ITPR1: variants seen among roughly 807,000 people sequenced by gnomAD.
The protein encoded by ITPR1 is inositol 1,4,5-trisphosphate receptor type 1.
In ITPR1, 96 loss-of-function variants were observed where a neutral mutation model predicts 318.4. That is an observed-to-expected ratio of 0.30 (90% CI 0.26 to 0.36). The LOEUF (loss-of-function observed/expected upper bound fraction) is 0.36. Ranked by LOEUF, ITPR1 falls within the 10% of genes least tolerant of loss-of-function variation. The pLI is 1.00. For synonymous variants in ITPR1, 1,312 were observed against 1,289.9 expected (o/e 1.02, Z -0.37); for missense variants, 2,440 against 3,460.2 (o/e 0.71, Z 7.40).
intron 4 of ITPR1, among the ~76,000 whole-genome samples, chr3:4,539,689 G>A (rs1463995354): frequency 1.3e-5 from 2 of 152,148 alleles, no homozygotes; most frequent in Non-Finnish European, 2.9e-5. Context: ...TGGACTAATG[G>A]ATTTAATGGG....
At chr3:4,496,846 C>T (rs923601447) in intron 2 of ITPR1, among the ~76,000 whole-genome samples, 1 of 151,964 alleles carries the variant, frequency 6.6e-6, no homozygotes, top group Non-Finnish European at 1.5e-5. Flanking sequence ...AGAAAACAAA[C>T]AAAAATAAAA....
intron 4 of ITPR1, among the ~76,000 whole-genome samples, chr3:4,624,721 ATTTGT>A (rs903904726): frequency 4.6e-4 from 68 of 148,716 alleles, no homozygotes; most frequent in Admixed American, 8.0e-4. Flanking sequence ...GTATTCTGTT[ATTTGT>A]TGTTTATTAT....
intron 10 of ITPR1, among the ~76,000 whole-genome samples, chr3:4,651,717 A>C (rs2125170684): frequency 6.6e-6 from 1 of 152,320 alleles, no homozygotes; most frequent in South Asian, 2.1e-4. Context: ...TCTGAGTTTC[A>C]CATTTCAGAG....
At chr3:4,537,199 T>C (rs1209349590) in intron 4 of ITPR1, among the ~76,000 whole-genome samples, 1 of 152,210 alleles carries the variant, frequency 6.6e-6, no homozygotes, top group Non-Finnish European at 1.5e-5. Flanking sequence ...GGGGAGTTTG[T>C]GTAATATTGG....
intron 59 of ITPR1, chr3:4,816,421 A>G (rs1431714263): frequency 6.6e-6 from 1 of 152,204 alleles, no homozygotes; most frequent in African/African-American, 2.4e-5. Context: ...ATCAGGAGGC[A>G]TGTAATGCCA....
intron 59 of ITPR1, 35 bp from the exon 60 acceptor site, chr3:4,818,047 C>T (rs1196884187): frequency 1.9e-6 from 3 of 1,566,196 alleles, no homozygotes; most frequent in Non-Finnish European, 2.6e-6. Flanking sequence ...CAAGGCTGCT[C>T]AGCTGGGGCT....
rs774354674 is a variant in ITPR1, at chr3:4,691,252, G to A, written c.3937G>A (p.Gly1313Ser). The A allele has an allele frequency of 7.4e-6, 12 of 1,612,874 alleles. No individual in the cohort carries two copies. The highest frequency in any genetic ancestry group is 3.3e-5 in the Admixed American group (2 of 59,966). Residue 1313 changes from glycine to serine, a missense_variant, in exon 32 of 62, where the codon GGT (glycine) becomes AGT (serine). Gly to Ser is a moderately conservative substitution (Grantham distance 56, BLOSUM62 0). Transcript: ENST00000649015. ...QHFVHCIETH[G>S]RNVQYIKFLQ... Reference sequence around the variant, plus strand: ...CTTCGTTCACTGCATAGAGACTCACGGTCGGAATGTCCAGTATATAAAGTT... The same window carrying A: ...CTTCGTTCACTGCATAGAGACTCACAGTCGGAATGTCCAGTATATAAAGTT...
At chr3:4,622,259 C>T (rs4685780) in intron 4 of ITPR1, among the ~76,000 whole-genome samples, 56,414 of 142,724 alleles carry the variant, frequency 0.4, 10,519 homozygotes, top group Middle Eastern at 0.42. Flanking sequence ...GGACTACAGG[C>T]GCATGCCACC....
chr3:4,554,565 G>T (rs981046713), intron 4 of ITPR1, among the ~76,000 whole-genome samples: 1 of 152,108 alleles, frequency 6.6e-6, no homozygotes. Flanking sequence ...GAAAGGGGTC[G>T]TAGGGTGGCA....
chr3:4,539,931 A>C (rs755172284), intron 4 of ITPR1, among the ~76,000 whole-genome samples: 43 of 151,294 alleles, frequency 2.8e-4, no homozygotes, highest in East Asian at 1.9e-4. Context: ...TTTCCTTACA[A>C]ATTACCCAGT....
chr3:4,700,930 C>T (rs1367188948), intron 35 of ITPR1, among the ~76,000 whole-genome samples: 1 of 152,158 alleles, frequency 6.6e-6, no homozygotes, highest in Non-Finnish European at 1.5e-5. Context: ...GAGACTCATT[C>T]ACTATCATGA....
intron 44 of ITPR1, among the ~76,000 whole-genome samples, chr3:4,739,129 C>A (rs925299293): frequency 6.6e-6 from 1 of 152,194 alleles, no homozygotes. Context: ...AACCTTGAAG[C>A]CCCAGGGGGA....
rs747698039 is a variant in ITPR1 at position 4,683,430 on chromosome 3, C to T, written c.3206C>T (p.Thr1069Ile). The change falls in exon 27 of 62, where the codon ACC (threonine) becomes ATC (isoleucine). Residue 1069 changes from threonine (T) to isoleucine (I), a missense_variant. This residue lies in a region of ITPR1 where 76 missense variants were observed against 132.2 expected (regional missense o/e 0.58). Transcript: ENST00000649015. ...PLDLDDHGGR[T>I]FLRVLLHLTM... is the part of the protein sequence containing the mutation. Reference sequence around the variant, plus strand: ...GACTTGGATGACCACGGCGGCAGAACCTTTCTCCGTGTCCTGCTCCACTTG... The same window carrying T: ...GACTTGGATGACCACGGCGGCAGAATCTTTCTCCGTGTCCTGCTCCACTTG... The T allele has an allele frequency of 5.0e-6, 8 of 1,614,052 alleles. No individual in the cohort carries two copies. The Middle Eastern group carries it at 4.9e-4, about 100-fold the overall frequency.
intron 2 of ITPR1, among the ~76,000 whole-genome samples, chr3:4,514,539 C>T (rs973402435): frequency 3.3e-5 from 5 of 152,146 alleles, no homozygotes; most frequent in African/African-American, 1.2e-4. Context: ...ATTTTCTGGC[C>T]TAGTCTCCAC....
rs35795762 is a variant in ITPR1 at position 4,697,315 on chromosome 3, G to GGTGTGTGTGT, written c.4407+72_4407+81dup. ...GAGGAGGCAGAGTTGGAGAGTGAGA[G>GGTGTGTGTGT]GTGTGTGTGTGTGTGTGTGTGTGTG... is the stretch of plus-strand genomic sequence containing the variant. On this transcript the variant is annotated intron_variant, in intron 34 of 61. Transcript: ENST00000649015. 5,184 of 863,534 alleles carry GGTGTGTGTGT rather than the reference G, an allele frequency of 6.0e-3. 21 individuals are homozygous for GGTGTGTGTGT. The highest frequency in any genetic ancestry group is 9.8e-3 in the Middle Eastern group (33 of 3,358). The allele number at this position is 863,534 out of a possible 1,614,324, so 53.5% of individuals were successfully genotyped here. A position where few individuals can be genotyped will look rare whatever the true frequency, so the allele number is the denominator to read the frequency against.
chr3:4,536,130 C>T (rs1373477302), intron 4 of ITPR1, among the ~76,000 whole-genome samples: 3 of 152,184 alleles, frequency 2.0e-5, no homozygotes, highest in Non-Finnish European at 4.4e-5. Context: ...TTTATTATCA[C>T]CTGCCCTGGA....
At chr3:4,610,418 G>A (rs1166961600) in intron 4 of ITPR1, among the ~76,000 whole-genome samples, 1 of 151,738 alleles carries the variant, frequency 6.6e-6, no homozygotes, top group Non-Finnish European at 1.5e-5. Flanking sequence ...CCTTTGTGTA[G>A]TGGGAGTTCC....
intron 10 of ITPR1, among the ~76,000 whole-genome samples, chr3:4,650,483 A>G (rs1417834717): frequency 6.6e-6 from 1 of 152,028 alleles, no homozygotes; most frequent in Admixed American, 6.6e-5. Context: ...TGATTATTCG[A>G]TGGGTTAAAA....
At chr3:4,752,664 A>G (rs2044629843) in intron 44 of ITPR1, among the ~76,000 whole-genome samples, 1 of 152,232 alleles carries the variant, frequency 6.6e-6, no homozygotes, top group Non-Finnish European at 1.5e-5. Context: ...TCATTAATAT[A>G]GTAAATTTTT....
Sources: gnomAD v4.1 joint callset for allele counts (sites outside exome capture counted in the v4.1 genomes callset) on GRCh38, gnomAD v4.1.1 for gene constraint, gnomAD v4.1.1 regional missense constraint, MANE v1.5 for transcripts, NCBI Gene and HGNC (gene_info 2026-07-23, HGNC 2026-07-21) for gene names.